Variants in SETBP1 observed in about 807,000 individuals in gnomAD.
SETBP1 encodes SET-binding protein.
In SETBP1, 9 loss-of-function variants were observed where a neutral mutation model predicts 101.0. The ratio of observed to expected loss-of-function variants is 0.09; its 90% CI spans 0.05 to 0.16. The LOEUF (loss-of-function observed/expected upper bound fraction) is 0.16, where lower values mean the gene tolerates loss of function less well. SETBP1 is among the 10% of genes least tolerant of loss of function. SETBP1 has a pLI of 1.00. For missense variants in SETBP1, 1,858 were observed against 2,033.8 expected (o/e 0.91, Z 1.66); for synonymous variants, 818 against 788.5 (o/e 1.04, Z -0.63).
intron 3 of SETBP1, among the ~76,000 whole-genome samples, chr18:44,922,381 C>G (rs778012306): frequency 6.6e-6 from 1 of 152,188 alleles, no homozygotes; most frequent in Non-Finnish European, 1.5e-5. Flanking sequence ...AATTGCAAAA[C>G]GGATGGTCTT....
intron 3 of SETBP1, among the ~76,000 whole-genome samples, chr18:44,920,702 CA>C (rs2070559726): frequency 6.6e-6 from 1 of 152,158 alleles, no homozygotes; most frequent in Non-Finnish European, 1.5e-5. Context: ...GTAGTGGCCA[CA>C]ACAGTCCCTA....
chr18:45,010,110 C>T (rs375429982), intron 4 of SETBP1, among the ~76,000 whole-genome samples: 1 of 152,210 alleles, frequency 6.6e-6, no homozygotes, highest in South Asian at 2.1e-4. Flanking sequence ...CATGCGCTCT[C>T]CTGCACTGCA....
At chr18:45,018,129 C>T (rs756798436) in intron 4 of SETBP1, among the ~76,000 whole-genome samples, 1 of 152,236 alleles carries the variant, frequency 6.6e-6, no homozygotes, top group Non-Finnish European at 1.5e-5. Context: ...CTTACCACAT[C>T]TGACCCTCCA....
chr18:44,862,502 A>C (rs1446766018), intron 2 of SETBP1, among the ~76,000 whole-genome samples: 1 of 152,120 alleles, frequency 6.6e-6, no homozygotes, highest in Non-Finnish European at 1.5e-5. Flanking sequence ...CGGTCTCTAC[A>C]CTACCCGTCC....
At chr18:44,846,030 T>C (rs1208152126) in intron 2 of SETBP1, among the ~76,000 whole-genome samples, 1 of 152,180 alleles carries the variant, frequency 6.6e-6, no homozygotes, top group Non-Finnish European at 1.5e-5. Context: ...AACCTCAGCC[T>C]GGAAACTCAA....
intron 2 of SETBP1, among the ~76,000 whole-genome samples, chr18:44,719,714 C>G (rs950322541): frequency 6.6e-6 from 1 of 152,222 alleles, no homozygotes; most frequent in Non-Finnish European, 1.5e-5. Context: ...GACAGCTGAC[C>G]TTTGCTCCCA....
intron 3 of SETBP1, among the ~76,000 whole-genome samples, chr18:44,947,492 CTT>C (rs58509226): frequency 1.3e-4 from 15 of 114,208 alleles, no homozygotes; most frequent in African/African-American, 4.5e-4. Flanking sequence ...GTTTGTCCCA[CTT>C]TTTTTTTTTT....
intron 3 of SETBP1, among the ~76,000 whole-genome samples, chr18:44,889,429 T>C (rs747339459): frequency 2.0e-5 from 3 of 152,168 alleles, no homozygotes; most frequent in Non-Finnish European, 4.4e-5. Flanking sequence ...TAGACTGTTT[T>C]GATTCCCTGC....
chr18:44,872,759 A>T (rs539968692), intron 3 of SETBP1, among the ~76,000 whole-genome samples: 8 of 152,330 alleles, frequency 5.3e-5, no homozygotes, highest in Admixed American at 2.0e-4. Flanking sequence ...CATGCTTACG[A>T]GGTGGGGGAA....
At chr18:44,688,083 T>C (rs2068866480) in intron 1 of SETBP1, among the ~76,000 whole-genome samples, 1 of 152,186 alleles carries the variant, frequency 6.6e-6, no homozygotes. Context: ...GGGAGCATAC[T>C]GGTTGGATAT....
chr18:44,918,991 A>C (rs1335712692), intron 3 of SETBP1, among the ~76,000 whole-genome samples: 3 of 152,174 alleles, frequency 2.0e-5, no homozygotes, highest in Non-Finnish European at 4.4e-5. Context: ...GGAGATAAAG[A>C]AGTAGCAAAG....
At chr18:44,785,537 G>A (rs2071222545) in intron 2 of SETBP1, among the ~76,000 whole-genome samples, 1 of 152,158 alleles carries the variant, frequency 6.6e-6, no homozygotes. Flanking sequence ...CATTAAGGAA[G>A]CTTTCTCTGG....
intron 3 of SETBP1, among the ~76,000 whole-genome samples, chr18:44,935,188 G>A (rs2145013976): frequency 6.6e-6 from 1 of 152,294 alleles, no homozygotes; most frequent in South Asian, 2.1e-4. Flanking sequence ...CCAAATGCTT[G>A]CAGTTCACAG....
intron 2 of SETBP1, among the ~76,000 whole-genome samples, chr18:44,704,333 G>T (rs2144219721): frequency 6.6e-6 from 1 of 152,292 alleles, no homozygotes; most frequent in South Asian, 2.1e-4. Flanking sequence ...TATGTGATTT[G>T]CCAAGTAAGC....
At chr18:45,045,918 C>T (rs940650363) in intron 5 of SETBP1, among the ~76,000 whole-genome samples, 1 of 152,076 alleles carries the variant, frequency 6.6e-6, no homozygotes, top group Admixed American at 6.5e-5. Flanking sequence ...TTGCCCACCT[C>T]TCATGCCCTT....
At chr18:45,039,001 T>A (rs2073456413) in intron 5 of SETBP1, among the ~76,000 whole-genome samples, 1 of 152,208 alleles carries the variant, frequency 6.6e-6, no homozygotes, top group Non-Finnish European at 1.5e-5. Flanking sequence ...TTATTTCTTG[T>A]AACTCATAAA....
At chr18:44,909,667 C>G (rs2070257397) in intron 3 of SETBP1, among the ~76,000 whole-genome samples, 1 of 152,208 alleles carries the variant, frequency 6.6e-6, no homozygotes, top group Non-Finnish European at 1.5e-5. Context: ...AGACCTTATG[C>G]TATGCATTAC....
chr18:44,946,865 G>A (rs2071219147), intron 3 of SETBP1, among the ~76,000 whole-genome samples: 1 of 152,172 alleles, frequency 6.6e-6, no homozygotes, highest in African/African-American at 2.4e-5. Context: ...GTCTTTATGG[G>A]AGGCAGTGGC....
chr18:44,944,485 C>T (rs1259834258), intron 3 of SETBP1, among the ~76,000 whole-genome samples: 1 of 152,164 alleles, frequency 6.6e-6, no homozygotes, highest in East Asian at 1.9e-4. Context: ...GCCTCATTCT[C>T]TCCCTGAGAG....
Sources: gnomAD v4.1 joint callset for allele counts (sites outside exome capture counted in the v4.1 genomes callset) on GRCh38, gnomAD v4.1.1 for gene constraint, MANE v1.5 for transcripts, NCBI Gene and HGNC (gene_info 2026-07-23, HGNC 2026-07-21) for gene names.